The following SPTAN1 variants were observed in gnomAD, a reference collection of about 807,000 sequenced individuals.
The protein encoded by SPTAN1 is spectrin alpha chain, non-erythrocytic 1.
SPTAN1 carries 61 observed loss-of-function variants against 331.3 expected under a neutral mutation model. That is an observed-to-expected ratio of 0.18 (90% CI 0.15 to 0.23). The LOEUF is 0.23. Among genes scored for constraint, SPTAN1 ranks in the 10% least tolerant of loss-of-function variants. The probability of loss-of-function intolerance (pLI) is 1.00; values close to 1 mark genes in which losing one functional copy is unlikely to be tolerated. For missense variants in SPTAN1, 2,043 were observed against 3,147.9 expected (o/e 0.65, Z 8.40); for synonymous variants, 1,153 against 1,173.9 (o/e 0.98, Z 0.36).
intron 52 of SPTAN1, chr9:128,631,455 C>T (rs1859716409): frequency 6.6e-6 from 1 of 152,310 alleles, no homozygotes; most frequent in Admixed American, 6.5e-5. Flanking sequence ...GCAAAACTCC[C>T]TCTGAAAAAA....
intron 22 of SPTAN1, 109 bp downstream of exon 22, chr9:128,591,734 G>A (rs1853561922): frequency 7.9e-6 from 11 of 1,386,462 alleles, no homozygotes; most frequent in Admixed American, 2.0e-5. Context: ...CCACCTGCAC[G>A]CCTCCTGCTG....
chr9:128,621,313 T>G (rs1344911448), intron 45 of SPTAN1, 57 bp downstream of exon 45: 1 of 1,488,456 alleles, frequency 6.7e-7, no homozygotes, highest in Admixed American at 1.7e-5. Context: ...CACGTGTTGG[T>G]ACCACAGAGG....
intron 52 of SPTAN1, 53 bp from the exon 53 acceptor site, chr9:128,632,074 G>C: frequency 1.3e-6 from 2 of 1,590,554 alleles, no homozygotes; most frequent in Admixed American, 1.7e-5. Flanking sequence ...CTCCTGGGCT[G>C]GTGACTGAGC....
Position 128,627,471 on chromosome 9 carries a change from CCTTCCACCAG to C in SPTAN1, c.6663_6672del (p.Phe2222GlyfsTer39). On this transcript the variant is annotated frameshift_variant, in exon 50 of 57. Transcript: ENST00000372739. LOFTEE classifies it high-confidence loss of function. This position sits in a 1 kb window ranked among gnomAD's most constrained non-coding sequence, Gnocchi z 4.9. Reference sequence around the variant, plus strand: ...CAGGAGTTTGCCCAGCACGCCAACGCCTTCCACCAGTGGATCCAAGAGACCAGGTGCCAGC... The same window carrying C: ...CAGGAGTTTGCCCAGCACGCCAACGCTGGATCCAAGAGACCAGGTGCCAGC... 1 of 1,551,190 alleles carries C rather than the reference CCTTCCACCAG, an allele frequency of 6.4e-7. No individual in the cohort carries two copies. Among genetic ancestry groups the C allele is most frequent in the Non-Finnish European group, 8.7e-7 (1 of 1,147,080 alleles).
intron 52 of SPTAN1, chr9:128,631,926 C>T (rs1443125886): frequency 3.3e-6 from 2 of 611,230 alleles, no homozygotes; most frequent in Admixed American, 5.8e-5. Flanking sequence ...GGAACCCTCA[C>T]ATTGAAAGTC....
chr9:128,611,204 T>C (rs1856522705), intron 37 of SPTAN1, among the ~76,000 whole-genome samples: 1 of 152,240 alleles, frequency 6.6e-6, no homozygotes, highest in Non-Finnish European at 1.5e-5. Context: ...GCTTGGTGGC[T>C]CATGCTTGTA....
intron 34 of SPTAN1, among the ~76,000 whole-genome samples, 195 bp downstream of exon 34, chr9:128,608,471 A>G (rs1018066855): frequency 1.3e-5 from 2 of 152,004 alleles, no homozygotes; most frequent in African/African-American, 2.4e-5. Context: ...ACAGGAAAAA[A>G]AAATATTATC....
rs1853036279 is a variant in SPTAN1, at chr9:128,588,814, A to G, written c.2877A>G (p.Gln959=). ...LREQAQSCRQ[Q]VAPTDDETGK... ...CCCTTCCTTTGGATTTTTAGCAACA[A>G]GTGGCCCCCACGGATGATGAGACTG... Residue 959 remains glutamine, a synonymous_variant, in exon 21 of 57, where the codon CAA becomes CAG. Coordinates refer to ENST00000372739, the MANE Select transcript of SPTAN1 (RefSeq NM_001130438.3). 6.2e-7 allele frequency: 1 copy of G among 1,613,970 alleles called. No individual in the cohort carries two copies. Among genetic ancestry groups the G allele is most frequent in the Admixed American group, 1.7e-5 (1 of 60,000 alleles).
chr9:128,627,553 C>G lies in SPTAN1; in HGVS notation c.6689+55C>G. The G allele has an allele frequency of 1.4e-6, 2 of 1,476,664 alleles. No individual in the cohort carries two copies. Among genetic ancestry groups the G allele is most frequent in the Non-Finnish European group, 1.9e-6 (2 of 1,079,404 alleles). The allele number at this position is 1,476,664 out of a possible 1,614,324, so 91.5% of individuals were successfully genotyped here. On this transcript the variant is annotated intron_variant, in intron 50 of 56. Transcript: ENST00000372739. This position sits in a 1 kb window ranked among gnomAD's most constrained non-coding sequence, Gnocchi z 4.9. ...AGCATGTCCCTGCTGTACTTAAGCCCTGGGGAGCTTCCAGCCCCAAGGAGG... is the reference window on the plus strand; with the variant it reads ...AGCATGTCCCTGCTGTACTTAAGCCGTGGGGAGCTTCCAGCCCCAAGGAGG...
intron 37 of SPTAN1, among the ~76,000 whole-genome samples, chr9:128,610,771 G>A (rs546289940): frequency 1.3e-3 from 204 of 152,218 alleles, no homozygotes; most frequent in Non-Finnish European, 2.6e-3. Flanking sequence ...TCATTTCCCA[G>A]TAAAATAAAT....
At chr9:128,631,907 A>G (rs1859806742) in intron 52 of SPTAN1, 9 of 586,314 alleles carry the variant, frequency 1.5e-5, no homozygotes, top group Admixed American at 3.0e-5. Flanking sequence ...CAGGTCTACC[A>G]GCTGCTTTGG....
chr9:128,591,735 C>T, intron 22 of SPTAN1, 110 bp downstream of exon 22: 4 of 1,386,904 alleles, frequency 2.9e-6, no homozygotes, highest in Non-Finnish European at 3.0e-6. Flanking sequence ...CACCTGCACG[C>T]CTCCTGCTGT....
At chr9:128,630,568 C>T (rs150008982) in intron 52 of SPTAN1, 193 bp downstream of exon 52, 50 of 589,022 alleles carry the variant, frequency 8.5e-5, no homozygotes, top group African/African-American at 3.0e-4. Flanking sequence ...ATCTCTCTCT[C>T]GCCCAGGCTG....
intron 43 of SPTAN1, 53 bp from the exon 44 acceptor site, chr9:128,618,818 A>G: frequency 6.2e-7 from 1 of 1,613,848 alleles, no homozygotes; most frequent in South Asian, 1.1e-5. Context: ...TAACTATCAC[A>G]ATCAAAGCTG....
At chr9:128,591,389 C>T in intron 21 of SPTAN1, 88 bp from the exon 22 acceptor site, 1 of 1,565,120 alleles carries the variant, frequency 6.4e-7, no homozygotes. Flanking sequence ...TAAAACAACG[C>T]TCTCGTGTGT....
intron 19 of SPTAN1, among the ~76,000 whole-genome samples, chr9:128,586,975 G>T (rs563691394): frequency 1.3e-5 from 2 of 151,924 alleles, no homozygotes; most frequent in African/African-American, 4.8e-5. Context: ...CCGCCACCAC[G>T]CCCAGCTAAC....
chr9:128,598,041 C>T (rs1237392912), intron 24 of SPTAN1, among the ~76,000 whole-genome samples: 4 of 152,114 alleles, frequency 2.6e-5, no homozygotes, highest in East Asian at 1.9e-4. Context: ...CTCTGCCTAC[C>T]GGGTTCAAGC....
chr9:128,626,365 G>A (rs891283625), intron 48 of SPTAN1, 26 bp from the exon 49 acceptor site: 17 of 1,612,038 alleles, frequency 1.1e-5, no homozygotes, highest in Middle Eastern at 1.8e-4. Flanking sequence ...TGGCGACTCC[G>A]CCAACTCAGT....
Position 128,588,619 on chromosome 9 carries a change from A to AT in SPTAN1, c.2872-180dup, listed in dbSNP as rs775953883. On this transcript the variant is annotated intron_variant, in intron 20 of 56. Coordinates refer to ENST00000372739, the MANE Select transcript of SPTAN1 (RefSeq NM_001130438.3). ...AGCCACCGTGCCCAGACAAAATGAGATTTTTTTTTTAAAGATACCAAAAAT... is the reference window on the plus strand; with the variant it reads ...AGCCACCGTGCCCAGACAAAATGAGATTTTTTTTTTTAAAGATACCAAAAAT... Among the ~76,000 whole-genome samples, 269 of 150,276 alleles carry AT rather than the reference A, an allele frequency of 1.8e-3. 1 individual carries two copies. The highest frequency in any genetic ancestry group is 2.3e-3 in the Non-Finnish European group (156 of 67,430).
Sources: gnomAD v4.1 joint callset for allele counts (sites outside exome capture counted in the v4.1 genomes callset) on GRCh38, gnomAD v4.1.1 for gene constraint, Gnocchi (gnomAD v3.1) non-coding constraint, MANE v1.5 for transcripts, NCBI Gene and HGNC (gene_info 2026-07-23, HGNC 2026-07-21) for gene names.